Variants in NBEAL1 observed in about 807,000 individuals in gnomAD.
The protein encoded by NBEAL1 is neurobeachin-like protein 1.
In NBEAL1, 273 loss-of-function variants were observed where a neutral mutation model predicts 351.3. The ratio of observed to expected loss-of-function variants is 0.78; its 90% confidence interval spans 0.70 to 0.86. NBEAL1 has a LOEUF of 0.86. Ranked by LOEUF, NBEAL1 falls within the 40% of genes least tolerant of loss-of-function variation. The probability of loss-of-function intolerance (pLI) is 0.00; values close to 1 mark genes in which losing one functional copy is unlikely to be tolerated. For synonymous variants in NBEAL1, 1,050 were observed against 1,086.4 expected, an observed-to-expected ratio of 0.97 and a Z score of 0.66; for missense variants, 2,961 against 3,201.3, an observed-to-expected ratio of 0.92 and a Z score of 1.81.
chr2:203,083,320 T>C lies in NBEAL1; in HGVS notation c.786T>C (p.Gly262=). The C allele has an allele frequency of 6.4e-7, 1 of 1,553,538 alleles. No homozygotes were observed. The highest frequency in any genetic ancestry group is 8.7e-7 in the Non-Finnish European group (1 of 1,147,474). ...SWEDGDPEEV[G]RKAELTLKCL... ...AGGATGGAGATCCTGAAGAAGTGGG[T>C]AGGAAGGCAGAACTAACTCTGAAGT... The change falls in exon 9 of 56, where the codon GGT becomes GGC. Residue 262 remains glycine, a synonymous_variant. Transcript: ENST00000683969.
chr2:203,036,902 T>A (rs1401773464), intron 2 of NBEAL1, among the ~76,000 whole-genome samples: 1 of 149,238 alleles, frequency 6.7e-6, no homozygotes, highest in Middle Eastern at 3.4e-3. Context: ...GGTAATTCTC[T>A]GCTGTATCGG....
chr2:203,057,538 G>A (rs761979795), intron 6 of NBEAL1, 85 bp downstream of exon 6: 14 of 1,172,886 alleles, frequency 1.2e-5, no homozygotes, highest in Middle Eastern at 2.5e-4. Flanking sequence ...CTCTATGAAA[G>A]CAATTGGAAA....
Position 203,209,711 on chromosome 2 carries a change from A to G in NBEAL1, c.7785+389A>G, listed in dbSNP as rs2065720911. 4.6e-4 allele frequency among the ~76,000 whole-genome samples: 15 copies of G among 32,942 alleles called. 1 individual carries two copies. In the Admixed American group the frequency reaches 5.0e-3, roughly 11 times the overall value. 21.6% of individuals were successfully genotyped at this position (32,942 alleles called of 152,430 possible). A position where few individuals can be genotyped will look rare whatever the true frequency, so the allele number is the denominator to read the frequency against. ...AGTGACATCACTATTTATTTAATTA[A>G]TATGTGTGTGTGTGTGTGTGTGTGT... On this transcript the variant is annotated intron_variant, in intron 53 of 55. Transcript: ENST00000683969.
Position 203,057,339 on chromosome 2 carries a change from A to C in NBEAL1, c.401A>C (p.Lys134Thr), listed in dbSNP as rs1559336538. ...TLYIQQLKSK[K>T]KEKEMADQTC... ...CTTTGTTCTCAGTTAAAAAGCAAAA[A>C]AAAAGAGAAGGAAATGGCAGATCAG... Residue 134 changes from lysine to threonine, a missense_variant, in exon 6 of 56, where the codon AAA (lysine) becomes ACA (threonine). Coordinates refer to ENST00000683969, the MANE Select transcript of NBEAL1 (RefSeq NM_001378026.1). 6.5e-7 allele frequency: 1 copy of C among 1,549,280 alleles called. No homozygotes were observed. The highest frequency in any genetic ancestry group is 2.4e-5 in the East Asian group (1 of 40,954).
chr2:203,166,391 A>ATCT, intron 37 of NBEAL1, 94 bp downstream of exon 37: 1 of 1,185,982 alleles, frequency 8.4e-7, no homozygotes, highest in Admixed American at 2.9e-5. Flanking sequence ...GTAAGATATA[A>ATCT]CTATCATGTG....
chr2:203,032,738 C>G (rs1358406010), intron 2 of NBEAL1, among the ~76,000 whole-genome samples: 2 of 129,104 alleles, frequency 1.5e-5, no homozygotes, highest in East Asian at 5.3e-4. Context: ...CATCTTGGCT[C>G]ACTGCAACCT....
Position 203,014,876 on chromosome 2 carries a change from C to T in NBEAL1, c.-336C>T, listed in dbSNP as rs2105977949. 6.6e-6 allele frequency: 1 copy of T among 152,554 alleles called. No individual in the cohort carries two copies. Among genetic ancestry groups the T allele is most frequent in the South Asian group, 2.1e-4 (1 of 4,834 alleles). 9.5% of individuals were successfully genotyped at this position (152,554 alleles called of 1,614,324 possible). A position where few individuals can be genotyped will look rare whatever the true frequency, so the allele number is the denominator to read the frequency against. On this transcript the variant is annotated 5_prime_UTR_variant, in exon 1 of 56. Coordinates refer to ENST00000683969, the MANE Select transcript of NBEAL1 (RefSeq NM_001378026.1). ...CCTCTCGCCCCGCCCCCATGTCCCG[C>T]CCGCTCGTCTGCCTGGCTGCGGGGT...
intron 6 of NBEAL1, among the ~76,000 whole-genome samples, chr2:203,066,896 A>G (rs1476885727): frequency 1.3e-3 from 111 of 83,382 alleles, no homozygotes; most frequent in South Asian, 2.0e-3. Context: ...CCCAGATGGG[A>G]CGGCTGGGCA....
chr2:203,213,111 C>CA (rs746645990), intron 54 of NBEAL1, among the ~76,000 whole-genome samples: 53 of 151,972 alleles, frequency 3.5e-4, no homozygotes, highest in Middle Eastern at 3.4e-3. Flanking sequence ...CTAAAGGGAA[C>CA]GTAAAGACTA....
At chr2:203,175,047 A>T (rs1358752231) in intron 41 of NBEAL1, 100 bp from the exon 42 acceptor site, 5 of 1,037,146 alleles carry the variant, frequency 4.8e-6, no homozygotes, top group Non-Finnish European at 7.0e-6. Flanking sequence ...AGAAGGATGG[A>T]CTTTTTAAAA....
intron 43 of NBEAL1, 72 bp downstream of exon 43, chr2:203,180,584 AT>A: frequency 7.5e-7 from 1 of 1,332,840 alleles, no homozygotes; most frequent in South Asian, 1.3e-5. Context: ...CTTTCAGGAC[AT>A]TTTTGTAATA....
chr2:203,179,891 A>T (rs2064648828), intron 42 of NBEAL1, among the ~76,000 whole-genome samples: 1 of 152,084 alleles, frequency 6.6e-6, no homozygotes. Context: ...CTCCTGGCTC[A>T]GCCTCCCAAG....
At chr2:203,173,561 A>C (rs1437992759) in intron 41 of NBEAL1, among the ~76,000 whole-genome samples, 2 of 152,056 alleles carry the variant, frequency 1.3e-5, no homozygotes, top group East Asian at 1.9e-4. Context: ...TTTCTTTGCA[A>C]ACCTTCCCTA....
intron 18 of NBEAL1, among the ~76,000 whole-genome samples, chr2:203,120,971 G>A (rs1304089878): frequency 6.6e-6 from 1 of 152,146 alleles, no homozygotes; most frequent in Non-Finnish European, 1.5e-5. Context: ...AAATTTGTAG[G>A]TTTACTTTCT....
intron 2 of NBEAL1, among the ~76,000 whole-genome samples, chr2:203,038,557 T>A (rs985591757): frequency 6.7e-6 from 1 of 149,200 alleles, no homozygotes; most frequent in South Asian, 2.1e-4. Flanking sequence ...GTCTTTTTGT[T>A]ATTGATTTGT....
intron 33 of NBEAL1, among the ~76,000 whole-genome samples, chr2:203,146,369 C>T (rs1470172688): frequency 6.6e-6 from 1 of 152,106 alleles, no homozygotes; most frequent in African/African-American, 2.4e-5. Flanking sequence ...AAAGTAGGAA[C>T]ATTTCTAGCT....
chr2:203,129,941 C>T (rs949888971), intron 24 of NBEAL1, among the ~76,000 whole-genome samples: 32 of 152,112 alleles, frequency 2.1e-4, no homozygotes, highest in African/African-American at 6.5e-4. Flanking sequence ...CTGGGTGGAT[C>T]GCTTGAGCCG....
chr2:203,139,668 G>A (rs1398816562), intron 31 of NBEAL1, among the ~76,000 whole-genome samples: 4 of 141,732 alleles, frequency 2.8e-5, no homozygotes, highest in Non-Finnish European at 3.0e-5. Context: ...AGGTTCAAGC[G>A]ATTGTTGTGC....
At chr2:203,154,776 A>G (rs1166357157) in intron 35 of NBEAL1, among the ~76,000 whole-genome samples, 1 of 152,010 alleles carries the variant, frequency 6.6e-6, no homozygotes, top group Non-Finnish European at 1.5e-5. Flanking sequence ...GTGATACCCC[A>G]TCTCTACAAA....
Sources: gnomAD v4.1 joint callset for allele counts (sites outside exome capture counted in the v4.1 genomes callset) on GRCh38, gnomAD v4.1.1 for gene constraint, MANE v1.5 for transcripts, NCBI Gene and HGNC (gene_info 2026-07-23, HGNC 2026-07-21) for gene names.